Variants in DLGAP5 observed in about 807,000 individuals in gnomAD.
The protein encoded by DLGAP5 is DLG associated protein 5.
Under a neutral mutation model 99.6 loss-of-function variants are expected in DLGAP5, and 90 were observed. That is an observed-to-expected ratio of 0.90 (90% confidence interval 0.76 to 1.08). The LOEUF (loss-of-function observed/expected upper bound fraction) is 1.08. Ranked by LOEUF, DLGAP5 falls within the 50% of genes least tolerant of loss-of-function variation. The probability of loss-of-function intolerance (pLI) is 0.00; values close to 1 mark genes in which losing one functional copy is unlikely to be tolerated. For missense variants in DLGAP5, 1,036 were observed against 983.5 expected, an observed-to-expected ratio of 1.05 and a Z score of -0.71; for synonymous variants, 311 against 321.3, an observed-to-expected ratio of 0.97 and a Z score of 0.34.
chr14:55,158,873 C>G (rs570390931), intron 13 of DLGAP5, 132 bp from the exon 14 acceptor site: 60 of 658,130 alleles, frequency 9.1e-5, no homozygotes, highest in Non-Finnish European at 1.4e-4. Flanking sequence ...TCACATTCAT[C>G]ATATATTTAT....
At chr14:55,187,237 T>G (rs963112991) in intron 2 of DLGAP5, among the ~76,000 whole-genome samples, 3 of 152,128 alleles carry the variant, frequency 2.0e-5, no homozygotes, top group African/African-American at 7.2e-5. Flanking sequence ...ACTAAGTTAT[T>G]GCAGTAGTCT....
chr14:55,182,042 G>C (rs77478035), intron 4 of DLGAP5, among the ~76,000 whole-genome samples: 8,790 of 152,148 alleles, frequency 0.058, 322 homozygotes, highest in South Asian at 0.09. Flanking sequence ...GTATTTTGAA[G>C]ACCCGTAAGT....
At chr14:55,179,586 G>C (rs772286770) in intron 7 of DLGAP5, 43 bp downstream of exon 7, 3 of 1,510,982 alleles carry the variant, frequency 2.0e-6, no homozygotes, top group South Asian at 2.4e-5. Flanking sequence ...GTAGCAATGA[G>C]ATTTTCAAAG....
chr14:55,178,027 C>CGGATCACAAGGTCAGGA (rs1566505877), intron 7 of DLGAP5, among the ~76,000 whole-genome samples: 2 of 148,644 alleles, frequency 1.3e-5, no homozygotes, highest in Non-Finnish European at 3.0e-5. Flanking sequence ...CTGAGGCGGG[C>CGGATCACAAGGTCAGGA]GGATCACAAG....
chr14:55,189,258 TC>T, intron 1 of DLGAP5, 78 bp from the exon 2 acceptor site: 1 of 1,128,154 alleles, frequency 8.9e-7, no homozygotes, highest in Non-Finnish European at 1.3e-6. Context: ...TCATTTCCTG[TC>T]CCACTTCAGG....
intron 1 of DLGAP5, among the ~76,000 whole-genome samples, chr14:55,190,289 T>TATACACACAC (rs1555330252): frequency 0.011 from 1,681 of 147,398 alleles, 31 homozygotes; most frequent in African/African-American, 0.04. Flanking sequence ...AGAAAAGCCA[T>TATACACACAC]ACACACACAC....
Position 55,189,152 on chromosome 14 carries a change from G to A in DLGAP5, c.28C>T (p.His10Tyr). The change falls in exon 2 of 19, where the codon CAC (histidine) becomes TAC (tyrosine). Residue 10 changes from histidine (H) to tyrosine (Y), a missense_variant. Coordinates refer to ENST00000247191, the MANE Select transcript of DLGAP5 (RefSeq NM_014750.5). Reference sequence around the variant, plus strand: ...ATTTCAGTACTTATATCCTTCCTGTGTCGACTGGCAAAATGTGATGAAGAC... The same window carrying A: ...ATTTCAGTACTTATATCCTTCCTGTATCGACTGGCAAAATGTGATGAAGAC... MSSSHFASR[H>Y]RKDISTEMIR... 6.2e-7 allele frequency: 1 copy of A among 1,613,242 alleles called. No homozygotes were observed. Among genetic ancestry groups the A allele is most frequent in the Non-Finnish European group, 8.5e-7 (1 of 1,179,758 alleles).
At chr14:55,161,365 G>T in intron 13 of DLGAP5, among the ~76,000 whole-genome samples, 1 of 149,878 alleles carries the variant, frequency 6.7e-6, no homozygotes. Context: ...TTTAGTCACT[G>T]TCCTCAGGGT....
chr14:55,160,352 G>A (rs564354907), intron 13 of DLGAP5, among the ~76,000 whole-genome samples: 75 of 150,924 alleles, frequency 5.0e-4, no homozygotes, highest in South Asian at 1.9e-3. Flanking sequence ...CCGAGATGGC[G>A]CCACTGTACT....
intron 13 of DLGAP5, among the ~76,000 whole-genome samples, chr14:55,159,603 G>A (rs1882341287): frequency 6.6e-6 from 1 of 152,170 alleles, no homozygotes; most frequent in Admixed American, 6.5e-5. Flanking sequence ...ACACCTGGTG[G>A]GATGGTAACA....
At position 55,160,526 on chromosome 14, in the gene DLGAP5, T is replaced by A. The variant is rs370809692; in HGVS notation, c.1654-1785A>T. ...GCAGTGGCATGATCTCGGTTCAATG[T>A]AACCTCTGCCTCCCGGGTTCAAGTG... is the stretch of plus-strand genomic sequence containing the variant. On this transcript the variant is annotated intron_variant, in intron 13 of 18. Transcript: ENST00000247191. Among the ~76,000 whole-genome samples, 23 of 151,854 alleles carry A rather than the reference T, an allele frequency of 1.5e-4. No individual in the cohort carries two copies. In the East Asian group the frequency reaches 4.5e-3, roughly 30 times the overall value.
At chr14:55,188,851 C>T (rs945518243) in intron 2 of DLGAP5, 91 bp downstream of exon 2, 7 of 867,196 alleles carry the variant, frequency 8.1e-6, no homozygotes, top group Non-Finnish European at 1.3e-5. Flanking sequence ...TTTCAAAACT[C>T]TTCTGGCCAG....
chr14:55,177,371 C>T, intron 7 of DLGAP5, 35 bp from the exon 8 acceptor site: 1 of 1,540,286 alleles, frequency 6.5e-7, no homozygotes, highest in Non-Finnish European at 8.7e-7. Flanking sequence ...AGTAAGATTT[C>T]TCTCTTCTGA....
intron 10 of DLGAP5, among the ~76,000 whole-genome samples, chr14:55,174,404 C>G (rs1882982955): frequency 6.6e-6 from 1 of 152,178 alleles, no homozygotes; most frequent in South Asian, 2.1e-4. Flanking sequence ...ACCCTGCCTC[C>G]ACTTGCCTTG....
At chr14:55,164,067 A>T (rs1211347328) in intron 12 of DLGAP5, among the ~76,000 whole-genome samples, 4 of 152,234 alleles carry the variant, frequency 2.6e-5, no homozygotes, top group African/African-American at 9.6e-5. Flanking sequence ...TGATACTTCC[A>T]GTCTCCTACG....
intron 11 of DLGAP5, among the ~76,000 whole-genome samples, chr14:55,170,490 AC>A (rs1476997220): frequency 6.6e-6 from 1 of 152,222 alleles, no homozygotes; most frequent in Non-Finnish European, 1.5e-5. Context: ...TAAGTTATAT[AC>A]CATTTTAGCA....
chr14:55,150,592 A>G, intron 18 of DLGAP5: 1 of 336,294 alleles, frequency 3.0e-6, no homozygotes, highest in East Asian at 5.5e-5. Flanking sequence ...ATATAGAAAA[A>G]CATATCTTCA....
rs1042597885 is a variant in DLGAP5 at position 55,183,172 on chromosome 14, A to C, written c.432+388T>G. 2.6e-5 allele frequency among the ~76,000 whole-genome samples: 4 copies of C among 152,174 alleles called. No homozygotes were observed. The East Asian group carries it at 5.8e-4, about 22-fold the overall frequency. ...ATCTATTCTATTACAATAGTCTCAC[A>C]ATTGGTCTCCCTATCTATAAATGCT... On this transcript the variant is annotated intron_variant, in intron 3 of 18. Coordinates refer to ENST00000247191, the MANE Select transcript of DLGAP5 (RefSeq NM_014750.5).
chr14:55,169,428 C>A lies in DLGAP5; in HGVS notation c.1519G>T (p.Asp507Tyr). 6.3e-7 allele frequency: 1 copy of A among 1,575,654 alleles called. No homozygotes were observed. Among genetic ancestry groups the A allele is most frequent in the East Asian group, 2.4e-5 (1 of 42,544 alleles). The change falls in exon 12 of 19, where the codon GAT becomes TAT. Residue 507 changes from aspartate (D) to tyrosine (Y), a missense_variant. Coordinates refer to ENST00000247191, the MANE Select transcript of DLGAP5 (RefSeq NM_014750.5). ...GIKETTCTDL[D>Y]GFWDMVSFQI... ...AAACTAACCATATCCCAAAATCCAT[C>A]CAGATCTGTACAGGTAGTCTCCTTT...
Sources: allele counts gnomAD v4.1 joint callset (sites outside exome capture counted in the v4.1 genomes callset), GRCh38; gene constraint gnomAD v4.1.1; transcripts MANE v1.5; gene names NCBI Gene and HGNC (gene_info 2026-07-23, HGNC 2026-07-21).